TCF20: variants seen among roughly 807,000 people sequenced by gnomAD.
TCF20 encodes SPRE-binding protein.
A neutral mutation model predicts 148.6 loss-of-function variants in TCF20; 3 were observed. The ratio of observed to expected loss-of-function variants is 0.02; its 90% CI spans 0.01 to 0.05. The LOEUF (loss-of-function observed/expected upper bound fraction) is 0.05. Among genes scored for constraint, TCF20 ranks in the 10% least tolerant of loss-of-function variants. The pLI, the probability that TCF20 is intolerant of heterozygous loss-of-function variation, is 1.00. For missense variants in TCF20, 2,350 were observed against 2,429.3 expected (o/e 0.97, Z 0.69); for synonymous variants, 1,049 against 909.5 (o/e 1.15, Z -2.76).
intron 3 of TCF20, among the ~76,000 whole-genome samples, chr22:42,178,247 T>C (rs1386138527): frequency 6.6e-6 from 1 of 152,200 alleles, no homozygotes. Context: ...AAGTGAAGTG[T>C]TTCCGTGAAT....
At chr22:42,181,604 T>C (rs1364071270) in intron 2 of TCF20, among the ~76,000 whole-genome samples, 6 of 151,354 alleles carry the variant, frequency 4.0e-5, no homozygotes, top group Admixed American at 3.9e-4. Context: ...CAACCTTTTT[T>C]TTTTTTTTTT....
At chr22:42,327,016 G>C (rs765220800) in intron 1 of TCF20, among the ~76,000 whole-genome samples, 5 of 152,242 alleles carry the variant, frequency 3.3e-5, no homozygotes, top group Non-Finnish European at 5.9e-5. Flanking sequence ...AAGGAGAAGA[G>C]GAACGATCAC....
chr22:42,197,524 G>A (rs188894382), intron 2 of TCF20, among the ~76,000 whole-genome samples: 163 of 152,050 alleles, frequency 1.1e-3, no homozygotes, highest in African/African-American at 3.8e-3. Context: ...GGGTTTCACC[G>A]TGTTAGCCAG....
intron 1 of TCF20, among the ~76,000 whole-genome samples, chr22:42,221,075 A>G (rs1406290888): frequency 2.0e-5 from 3 of 152,202 alleles, no homozygotes; most frequent in Non-Finnish European, 4.4e-5. Flanking sequence ...AGAAGCTGAG[A>G]ACTTCCGTTC....
At chr22:42,239,937 C>A (rs1230228396) in intron 1 of TCF20, among the ~76,000 whole-genome samples, 1 of 152,088 alleles carries the variant, frequency 6.6e-6, no homozygotes, top group Non-Finnish European at 1.5e-5. Flanking sequence ...TTGCAATAAA[C>A]CTTCAATTTA....
intron 1 of TCF20, among the ~76,000 whole-genome samples, chr22:42,336,441 C>T (rs1320843383): frequency 6.6e-6 from 1 of 152,076 alleles, no homozygotes; most frequent in African/African-American, 2.4e-5. Flanking sequence ...CCTTCTCCTG[C>T]ATGCATCCCA....
At chr22:42,258,799 T>C (rs1378461762) in intron 1 of TCF20, among the ~76,000 whole-genome samples, 4 of 152,190 alleles carry the variant, frequency 2.6e-5, no homozygotes, top group Non-Finnish European at 4.4e-5. Flanking sequence ...GTGCATTAAA[T>C]ATACCTTCGA....
chr22:42,316,178 G>A (rs528771298), intron 1 of TCF20, among the ~76,000 whole-genome samples: 1 of 150,502 alleles, frequency 6.6e-6, no homozygotes, highest in Admixed American at 6.6e-5. Context: ...GACTTTATCC[G>A]AGCACCAGGG....
intron 1 of TCF20, among the ~76,000 whole-genome samples, chr22:42,236,167 T>C (rs984291676): frequency 1.3e-5 from 2 of 151,686 alleles, no homozygotes; most frequent in Non-Finnish European, 2.9e-5. Flanking sequence ...GACAGTGAGA[T>C]TCCACTTCAA....
intron 1 of TCF20, among the ~76,000 whole-genome samples, chr22:42,243,389 C>T (rs929130601): frequency 1.3e-5 from 2 of 148,152 alleles, no homozygotes; most frequent in Admixed American, 1.4e-4. Flanking sequence ...GATCACTTGA[C>T]GTCAGAAATT....
chr22:42,289,645 C>T (rs535996688), intron 1 of TCF20, among the ~76,000 whole-genome samples: 1 of 152,296 alleles, frequency 6.6e-6, no homozygotes, highest in African/African-American at 2.4e-5. Flanking sequence ...TGAACTTAGG[C>T]GGCTAAAGGG....
At chr22:42,229,581 C>T (rs140000199) in intron 1 of TCF20, among the ~76,000 whole-genome samples, 169 of 152,210 alleles carry the variant, frequency 1.1e-3, no homozygotes, top group African/African-American at 4.0e-3. Flanking sequence ...AGATAGGGTG[C>T]GTAACAACAG....
intron 1 of TCF20, among the ~76,000 whole-genome samples, chr22:42,228,774 T>C (rs973855951): frequency 1.3e-5 from 2 of 152,190 alleles, no homozygotes; most frequent in African/African-American, 4.8e-5. Flanking sequence ...ACAGAGGTAG[T>C]ATTTAAAGCC....
intron 1 of TCF20, among the ~76,000 whole-genome samples, chr22:42,304,677 T>A (rs542592370): frequency 6.6e-6 from 1 of 152,152 alleles, no homozygotes; most frequent in African/African-American, 2.4e-5. Context: ...TGTAATTCCA[T>A]AGCTGGGGAA....
chr22:42,242,066 G>C (rs1197058619), intron 1 of TCF20, among the ~76,000 whole-genome samples: 1 of 151,560 alleles, frequency 6.6e-6, no homozygotes, highest in Non-Finnish European at 1.5e-5. Context: ...GCCAGGCGTG[G>C]TAATAAGTGC....
intron 1 of TCF20, among the ~76,000 whole-genome samples, chr22:42,224,372 T>C (rs567868790): frequency 2.6e-5 from 4 of 151,782 alleles, no homozygotes; most frequent in Non-Finnish European, 4.4e-5. Flanking sequence ...CTCAGGAGGC[T>C]GAGGCAGGAG....
At chr22:42,237,307 G>A (rs991818126) in intron 1 of TCF20, among the ~76,000 whole-genome samples, 3 of 152,108 alleles carry the variant, frequency 2.0e-5, no homozygotes, top group Admixed American at 6.5e-5. Context: ...CACTTTCTTT[G>A]CTCATCCATA....
chr22:42,225,562 C>T (rs1488128139), intron 1 of TCF20, among the ~76,000 whole-genome samples: 3 of 145,804 alleles, frequency 2.1e-5, no homozygotes, highest in East Asian at 2.1e-4. Context: ...TGCAGTGAGC[C>T]GAGATTGCGC....
intron 1 of TCF20, among the ~76,000 whole-genome samples, chr22:42,264,980 A>AC (rs1236735774): frequency 2.6e-5 from 4 of 152,258 alleles, no homozygotes; most frequent in African/African-American, 4.8e-5. Context: ...AGAACAGCTT[A>AC]CATATGCATA....
Sources: gnomAD v4.1 joint callset for allele counts (sites outside exome capture counted in the v4.1 genomes callset) on GRCh38, gnomAD v4.1.1 for gene constraint, MANE v1.5 for transcripts, NCBI Gene and HGNC (gene_info 2026-07-23, HGNC 2026-07-21) for gene names.